VPS53: variants seen among roughly 807,000 people sequenced by gnomAD.
VPS53 encodes vacuolar protein sorting-associated protein 53 homolog.
In VPS53, 70 loss-of-function variants were observed where a neutral mutation model predicts 107.0. The ratio of observed to expected loss-of-function variants is 0.65; its 90% CI spans 0.54 to 0.80. VPS53 has a LOEUF of 0.80. Among genes scored for constraint, VPS53 ranks in the 30% least tolerant of loss-of-function variants. The probability of loss-of-function intolerance (pLI) is 0.00; values close to 1 mark genes in which losing one functional copy is unlikely to be tolerated. For missense variants in VPS53, 917 were observed against 1,049.4 expected (o/e 0.87, Z 1.74); for synonymous variants, 409 against 393.3 (o/e 1.04, Z -0.47).
intron 11 of VPS53, among the ~76,000 whole-genome samples, chr17:618,164 A>ATG (rs1969235787): frequency 1.5e-5 from 1 of 64,880 alleles, no homozygotes; most frequent in Non-Finnish European, 2.8e-5. Context: ...ACCACGCCCC[A>ATG]CTAATGTTTC....
chr17:575,999 C>T lies in VPS53; in HGVS notation c.1313+10271G>A, dbSNP rs1488549424. On this transcript the variant is annotated intron_variant, in intron 13 of 21. Transcript: ENST00000437048. ...AACCTAATGCATTCGCAGAGAACCT[C>T]CCTCAGAACCTAATGCGTTCCCAGA... Among the ~76,000 whole-genome samples, 3 of 152,190 alleles carry T rather than the reference C, an allele frequency of 2.0e-5. No homozygotes were observed. The East Asian group carries it at 5.8e-4, about 29-fold the overall frequency.
At chr17:563,063 A>C (rs1913170486) in intron 13 of VPS53, among the ~76,000 whole-genome samples, 2 of 152,130 alleles carry the variant, frequency 1.3e-5, no homozygotes, top group African/African-American at 4.8e-5. Context: ...GGTCCCGCTA[A>C]AAGATGAGAA....
chr17:534,917 C>CAAAA (rs11376185), intron 18 of VPS53, among the ~76,000 whole-genome samples: 5 of 121,912 alleles, frequency 4.1e-5, no homozygotes, highest in Non-Finnish European at 6.9e-5. Context: ...GACCCTGTAT[C>CAAAA]AAAAAAAAAA....
At chr17:697,080 C>A (rs1410262316) in intron 4 of VPS53, among the ~76,000 whole-genome samples, 2 of 152,172 alleles carry the variant, frequency 1.3e-5, no homozygotes, top group African/African-American at 4.8e-5. Context: ...AATATCAAAA[C>A]CCCAACAACT....
intron 1 of VPS53, among the ~76,000 whole-genome samples, chr17:713,960 G>C (rs951992853): frequency 2.7e-5 from 4 of 148,688 alleles, no homozygotes; most frequent in African/African-American, 9.9e-5. Flanking sequence ...CAGGAGAATC[G>C]CTTGAACTCG....
chr17:542,732 A>G (rs1184846122), intron 17 of VPS53, among the ~76,000 whole-genome samples: 1 of 152,228 alleles, frequency 6.6e-6, no homozygotes, highest in African/African-American at 2.4e-5. Context: ...TAATCCCAGC[A>G]GTTTGGGAGG....
At chr17:663,564 A>C (rs927309001) in intron 4 of VPS53, among the ~76,000 whole-genome samples, 1 of 152,012 alleles carries the variant, frequency 6.6e-6, no homozygotes, top group Non-Finnish European at 1.5e-5. Flanking sequence ...AGACGTGTAT[A>C]GACCACAGGC....
rs1567597377 is a variant in VPS53, at chr17:524,499, T to C, written c.2086-2761A>G. ...TGACAAGGGAACGGGGTTCCGAACA[T>C]GAAGATTCCTACACATCAACAGGAA... is the stretch of plus-strand genomic sequence containing the variant. On this transcript the variant is annotated intron_variant, in intron 19 of 21. Coordinates refer to ENST00000437048, the MANE Select transcript of VPS53 (RefSeq NM_001128159.3). The surrounding 1 kb of genome is among the most constrained non-coding windows in gnomAD (Gnocchi z 4.5). Among the ~76,000 whole-genome samples, 1 of 152,120 alleles carries C rather than the reference T, an allele frequency of 6.6e-6. No homozygotes were observed. The highest frequency in any genetic ancestry group is 6.5e-5 in the Admixed American group (1 of 15,268).
intron 2 of VPS53, 141 bp from the exon 3 acceptor site, chr17:699,521 A>G: frequency 1.7e-6 from 1 of 583,556 alleles, no homozygotes; most frequent in East Asian, 3.4e-5. Context: ...TTTAAAAAAA[A>G]AAAAAGTAAA....
intron 3 of VPS53, 135 bp from the exon 4 acceptor site, chr17:697,619 T>C: frequency 1.4e-6 from 1 of 709,738 alleles, no homozygotes; most frequent in South Asian, 1.8e-5. Flanking sequence ...CAAACATGTG[T>C]GAGTGGCATC....
At chr17:587,493 C>T (rs901152893) in intron 12 of VPS53, among the ~76,000 whole-genome samples, 19 of 152,176 alleles carry the variant, frequency 1.2e-4, no homozygotes, top group African/African-American at 2.9e-4. Context: ...GGCAGGCAGG[C>T]AGACTATATT....
chr17:651,659 C>G (rs1292037912), intron 7 of VPS53, among the ~76,000 whole-genome samples: 1 of 152,166 alleles, frequency 6.6e-6, no homozygotes, highest in Non-Finnish European at 1.5e-5. Context: ...AACAAAGAAG[C>G]CTGTAGCATT....
At chr17:662,658 C>T (rs1230018298) in intron 4 of VPS53, among the ~76,000 whole-genome samples, 1 of 150,308 alleles carries the variant, frequency 6.7e-6, no homozygotes, top group Non-Finnish European at 1.5e-5. Flanking sequence ...CACTGCACTC[C>T]AGCCTGGGTG....
intron 13 of VPS53, among the ~76,000 whole-genome samples, chr17:584,617 C>A (rs1889534705): frequency 6.6e-6 from 1 of 152,162 alleles, no homozygotes; most frequent in African/African-American, 2.4e-5. Flanking sequence ...GCCTCCTGGG[C>A]TCCAGTGATT....
At chr17:530,279 G>T (rs535038084) in intron 19 of VPS53, among the ~76,000 whole-genome samples, 1 of 151,114 alleles carries the variant, frequency 6.6e-6, no homozygotes, top group Non-Finnish European at 1.5e-5. Flanking sequence ...TCAGCCTCTC[G>T]AGCAGCTGGG....
rs1224864251 is a variant in VPS53 at position 607,634 on chromosome 17, A to T, written c.1117-5738T>A. ...GGTTAGATTGTCAGTAACTCAAAGG[A>T]CATATTTCATGAACTCTGAGGCTGC... On this transcript the variant is annotated intron_variant, in intron 11 of 21. Coordinates refer to ENST00000437048, the MANE Select transcript of VPS53 (RefSeq NM_001128159.3). 1.1e-4 allele frequency among the ~76,000 whole-genome samples: 16 copies of T among 152,350 alleles called. No individual in the cohort carries two copies. The East Asian group carries it at 3.1e-3, about 29-fold the overall frequency.
chr17:662,958 G>A (rs1024853887), intron 4 of VPS53, among the ~76,000 whole-genome samples: 2 of 151,972 alleles, frequency 1.3e-5, no homozygotes, highest in African/African-American at 4.8e-5. Context: ...TGTAATCCCA[G>A]CACTTCAGAG....
chr17:656,498 G>A (rs1162480055), intron 5 of VPS53, among the ~76,000 whole-genome samples: 2 of 152,228 alleles, frequency 1.3e-5, no homozygotes, highest in Non-Finnish European at 2.9e-5. Context: ...AGTCTTCAGG[G>A]AGTGAGAAGG....
Position 553,392 on chromosome 17 carries a change from T to TC in VPS53, c.1774dup (p.Asp592GlyfsTer23). On this transcript the variant is annotated frameshift_variant, in exon 16 of 22. Coordinates refer to ENST00000437048, the MANE Select transcript of VPS53 (RefSeq NM_001128159.3). LOFTEE classifies it high-confidence loss of function. ...GCAGGGTACATACGTGCTGAACGTG[T>TC]CCATCTCTCCAGTCAGATTGATTCG... The TC allele has an allele frequency of 6.2e-7, 1 of 1,614,074 alleles. No individual in the cohort carries two copies. The highest frequency in any genetic ancestry group is 8.5e-7 in the Non-Finnish European group (1 of 1,179,990).
Sources: gnomAD v4.1 joint callset for allele counts (sites outside exome capture counted in the v4.1 genomes callset) on GRCh38, gnomAD v4.1.1 for gene constraint, Gnocchi (gnomAD v3.1) non-coding constraint, MANE v1.5 for transcripts, NCBI Gene and HGNC (gene_info 2026-07-23, HGNC 2026-07-21) for gene names.